RHCE: variants seen among roughly 807,000 people sequenced by gnomAD.
The protein encoded by RHCE is Rh blood group CcEe antigens.
RHCE carries 22 observed loss-of-function variants against 43.8 expected under a neutral mutation model. The ratio of observed to expected loss-of-function variants is 0.50; its 90% CI spans 0.36 to 0.72. RHCE has a LOEUF of 0.72. Ranked by LOEUF, RHCE falls within the 30% of genes least tolerant of loss-of-function variation. RHCE has a pLI of 0.00. For synonymous variants in RHCE, 156 were observed against 210.7 expected, an observed-to-expected ratio of 0.74 and a Z score of 2.25; for missense variants, 385 against 525.4, an observed-to-expected ratio of 0.73 and a Z score of 2.61.
intron 1 of RHCE, among the ~76,000 whole-genome samples, chr1:25,410,463 T>C (rs563453257): frequency 6.6e-6 from 1 of 151,912 alleles, no homozygotes; most frequent in East Asian, 1.9e-4. Context: ...ACAGAGTCTC[T>C]CTGTTACCCA....
At chr1:25,369,448 C>T (rs749178692) in intron 9 of RHCE, among the ~76,000 whole-genome samples, 3 of 151,668 alleles carry the variant, frequency 2.0e-5, no homozygotes, top group Non-Finnish European at 4.4e-5. Flanking sequence ...TAAGGGGACA[C>T]ATCAGAGTGC....
intron 2 of RHCE, among the ~76,000 whole-genome samples, chr1:25,426,240 CA>C (rs2042804342): frequency 6.6e-6 from 1 of 152,200 alleles, no homozygotes; most frequent in African/African-American, 2.4e-5. Flanking sequence ...TCAGTCTCTC[CA>C]AAAACCAGCA....
At chr1:25,370,405 C>T (rs630158) in intron 9 of RHCE, 62 bp downstream of exon 9, 28 of 1,381,138 alleles carry the variant, frequency 2.0e-5, no homozygotes, top group Middle Eastern at 1.8e-4. Flanking sequence ...ACATATATAC[C>T]CAGGTATGTT....
intron 3 of RHCE, among the ~76,000 whole-genome samples, chr1:25,396,618 G>A (rs1183945207): frequency 6.6e-6 from 1 of 151,316 alleles, no homozygotes; most frequent in African/African-American, 2.4e-5. Flanking sequence ...GGTGGCAGGT[G>A]AGAGAGAGAG....
At chr1:25,375,809 T>C (rs1557601458) in intron 7 of RHCE, among the ~76,000 whole-genome samples, 2 of 130,660 alleles carry the variant, frequency 1.5e-5, no homozygotes, top group Non-Finnish European at 3.1e-5. Flanking sequence ...TTTTTTTTTT[T>C]CTGTTTTTGT....
chr1:25,414,133 C>T (rs1309658446), intron 1 of RHCE, among the ~76,000 whole-genome samples: 1 of 151,842 alleles, frequency 6.6e-6, no homozygotes, highest in Non-Finnish European at 1.5e-5. Context: ...CGCTGATTAG[C>T]GGTGTGACTT....
chr1:25,413,168 G>A (rs895167983), intron 1 of RHCE, among the ~76,000 whole-genome samples: 2 of 152,106 alleles, frequency 1.3e-5, no homozygotes, highest in Admixed American at 6.6e-5. Context: ...CCCTGAGAGA[G>A]GAATTGTGCC....
intron 1 of RHCE, among the ~76,000 whole-genome samples, chr1:25,418,213 G>A (rs1397765942): frequency 1.3e-5 from 2 of 152,132 alleles, no homozygotes; most frequent in Non-Finnish European, 1.5e-5. Context: ...TTTTAGTAGA[G>A]ACAGGGTTTC....
At chr1:25,394,338 G>A (rs867581740) in intron 3 of RHCE, among the ~76,000 whole-genome samples, 9 of 151,960 alleles carry the variant, frequency 5.9e-5, no homozygotes, top group Middle Eastern at 6.8e-3. Flanking sequence ...AGCATGGGTG[G>A]TAAATAGCCC....
chr1:25,379,483 ATATATATATATATTTTTTTTTTT>A (rs1158538822), intron 7 of RHCE, among the ~76,000 whole-genome samples: 88 of 19,412 alleles, frequency 4.5e-3, no homozygotes, highest in Admixed American at 0.021. Context: ...ATATATATAT[ATATATATATATATTTTTTTTTTT>A]TTTTTTTTTT....
intron 7 of RHCE, among the ~76,000 whole-genome samples, chr1:25,379,475 ATATATATATATATATATATATT>A (rs1418247039): frequency 2.4e-4 from 3 of 12,688 alleles, no homozygotes; most frequent in Admixed American, 1.3e-3. Context: ...ATATATATAT[ATATATATATATATATATATATT>A]TTTTTTTTTT....
intron 7 of RHCE, among the ~76,000 whole-genome samples, chr1:25,379,489 ATATATATTTT>A (rs1645920127): frequency 5.1e-5 from 1 of 19,692 alleles, no homozygotes. Context: ...ATATATATAT[ATATATATTTT>A]TTTTTTTTTT....
chr1:25,382,747 C>G (rs1208203469), intron 7 of RHCE, among the ~76,000 whole-genome samples: 2 of 152,102 alleles, frequency 1.3e-5, no homozygotes, highest in East Asian at 3.9e-4. Flanking sequence ...GAATGAGTGG[C>G]TCTTGGGATT....
intron 1 of RHCE, among the ~76,000 whole-genome samples, chr1:25,416,821 G>GGT (rs1553161339): frequency 1.4e-5 from 2 of 147,704 alleles, no homozygotes; most frequent in African/African-American, 5.1e-5. Context: ...AGAGATGGCG[G>GGT]GGGGGGGTCT....
In RHCE at chr1:25,402,717, G is replaced by A. The variant is rs201407774; in HGVS notation, c.365C>T (p.Ser122Leu). ...SIRLATMSAMSVLISAGAVLG... is the reference protein window; with the variant it reads ...SIRLATMSAMLVLISAGAVLG... ...GACAGCACCCGCTGAGATCAGCACC[G>A]ACATAGCACTCATGGTGGCCAGCCG... Residue 122 changes from serine to leucine, a missense_variant, in exon 3 of 10, where the codon TCG becomes TTG. Physicochemically the swap from Ser to Leu is moderately radical, Grantham distance 145. Coordinates refer to ENST00000294413, the MANE Select transcript of RHCE (RefSeq NM_020485.8). The A allele has an allele frequency of 1.4e-5, 22 of 1,614,100 alleles. No homozygotes were observed. Among genetic ancestry groups the A allele is most frequent in the South Asian group, 4.4e-5 (4 of 91,076 alleles).
At chr1:25,421,261 CAAT>C (rs763048582), upstream of RHCE, among the ~76,000 whole-genome samples, 35 of 152,140 alleles carry the variant, frequency 2.3e-4, no homozygotes, top group Non-Finnish European at 4.3e-4. Flanking sequence ...CTCTTAACAA[CAAT>C]GTATTGAATG....
rs597377 is a variant in RHCE, at chr1:25,409,288, A to G, written c.149-419T>C. 9.8e-3 allele frequency among the ~76,000 whole-genome samples: 1,179 copies of G among 119,904 alleles called. 225 individuals carry two copies. Among genetic ancestry groups the G allele is most frequent in the African/African-American group, 0.011 (413 of 36,308 alleles). The allele number at this position is 119,904 out of a possible 152,430, so 78.7% of individuals were successfully genotyped here. Reference sequence around the variant, plus strand: ...CCCCTGGCTGGGCACATGAGAAAATAAAGCCACAGAAGCCAAGTGACTTGT... The same window carrying G: ...CCCCTGGCTGGGCACATGAGAAAATGAAGCCACAGAAGCCAAGTGACTTGT... On this transcript the variant is annotated intron_variant, in intron 1 of 9. Coordinates refer to ENST00000294413, the MANE Select transcript of RHCE (RefSeq NM_020485.8).
At chr1:25,376,213 C>T (rs1269848046) in intron 7 of RHCE, among the ~76,000 whole-genome samples, 2 of 152,166 alleles carry the variant, frequency 1.3e-5, no homozygotes, top group African/African-American at 2.4e-5. Flanking sequence ...CTTGAACATA[C>T]TTCCAGGATC....
intron 6 of RHCE, among the ~76,000 whole-genome samples, chr1:25,386,607 A>G (rs568998359): frequency 1.3e-5 from 2 of 152,252 alleles, no homozygotes; most frequent in Admixed American, 6.5e-5. Context: ...GATCACCTGA[A>G]GTCAAGAGTT....
Sources: allele counts gnomAD v4.1 joint callset (sites outside exome capture counted in the v4.1 genomes callset), GRCh38; gene constraint gnomAD v4.1.1; transcripts MANE v1.5; gene names NCBI Gene and HGNC (gene_info 2026-07-23, HGNC 2026-07-21).